The following CDK14 variants were observed in gnomAD, a reference collection of about 807,000 sequenced individuals.
CDK14 encodes the protein cyclin dependent kinase 14.
In CDK14, 34 loss-of-function variants were observed where a neutral mutation model predicts 60.7. That is an observed-to-expected ratio of 0.56 (90% CI 0.43 to 0.75). The LOEUF is 0.75. Ranked by LOEUF, CDK14 falls within the 30% of genes least tolerant of loss-of-function variation. The probability of loss-of-function intolerance (pLI) is 0.00; values close to 1 mark genes in which losing one functional copy is unlikely to be tolerated. For missense variants in CDK14, 482 were observed against 564.1 expected (o/e 0.85, Z 1.47); for synonymous variants, 197 against 203.7 (o/e 0.97, Z 0.28).
intron 14 of CDK14, among the ~76,000 whole-genome samples, chr7:91,153,069 A>T (rs954479876): frequency 6.6e-6 from 1 of 152,172 alleles, no homozygotes; most frequent in Non-Finnish European, 1.5e-5. Flanking sequence ...GGCTGGTGGG[A>T]ATGGATCAGG....
At chr7:90,774,415 T>G (rs1312053604) in intron 4 of CDK14, among the ~76,000 whole-genome samples, 1 of 152,224 alleles carries the variant, frequency 6.6e-6, no homozygotes, top group African/African-American at 2.4e-5. Context: ...GACACCCTTA[T>G]TTTTAGAACA....
intron 2 of CDK14, among the ~76,000 whole-genome samples, chr7:90,716,840 C>G (rs1460932593): frequency 1.3e-5 from 2 of 152,024 alleles, no homozygotes; most frequent in African/African-American, 4.8e-5. Context: ...TGGACCATAA[C>G]AGCAGAATAT....
chr7:90,727,700 A>G (rs1434299906), intron 3 of CDK14, among the ~76,000 whole-genome samples: 20 of 152,146 alleles, frequency 1.3e-4, no homozygotes, highest in Admixed American at 1.2e-3. Flanking sequence ...GCCTGCAACT[A>G]TATGACAAAA....
intron 11 of CDK14, among the ~76,000 whole-genome samples, chr7:91,078,112 G>A (rs1024398681): frequency 1.3e-5 from 2 of 152,248 alleles, no homozygotes; most frequent in East Asian, 1.9e-4. Context: ...TATGCATACC[G>A]TTTGCCAAGC....
At chr7:91,110,159 T>C (rs1375117590) in intron 12 of CDK14, among the ~76,000 whole-genome samples, 2 of 152,070 alleles carry the variant, frequency 1.3e-5, no homozygotes. Context: ...GAGGTTCTAG[T>C]GATGACAAAG....
intron 5 of CDK14, among the ~76,000 whole-genome samples, chr7:90,819,396 A>G (rs1789465039): frequency 6.6e-6 from 1 of 152,122 alleles, no homozygotes. Flanking sequence ...ACATAAATAT[A>G]CACATTGACA....
rs1584261635 is a variant in CDK14 at position 91,045,499 on chromosome 7, T to C, written c.1042-398T>C. Among the ~76,000 whole-genome samples the C allele has an allele frequency of 2.6e-5, 4 of 152,264 alleles. No homozygotes were observed. The East Asian group carries it at 7.7e-4, about 29-fold the overall frequency. The stretch of plus-strand genomic sequence containing the variant: ...AGGATGTGGGGTAGAAATGGAAGAA[T>C]TGTTGGAACTGTTAAATGATGAGAC... On this transcript the variant is annotated intron_variant, in intron 10 of 14. Transcript: ENST00000380050.
chr7:90,826,853 A>G (rs1789742035), intron 5 of CDK14, among the ~76,000 whole-genome samples: 1 of 152,110 alleles, frequency 6.6e-6, no homozygotes, highest in Admixed American at 6.6e-5. Context: ...TTACAATTCA[A>G]TTGATACAAT....
chr7:91,139,294 G>A (rs935349065), intron 14 of CDK14, among the ~76,000 whole-genome samples: 11 of 152,124 alleles, frequency 7.2e-5, no homozygotes, highest in Admixed American at 3.3e-4. Flanking sequence ...TAGACTAAAC[G>A]GGAAAGGAAA....
intron 5 of CDK14, among the ~76,000 whole-genome samples, chr7:90,833,833 G>A (rs944607963): frequency 1.3e-5 from 2 of 152,124 alleles, no homozygotes; most frequent in African/African-American, 2.4e-5. Flanking sequence ...AATCATTTTG[G>A]TCAAATTTGT....
At chr7:90,649,330 TTCC>T (rs1481620385) in intron 2 of CDK14, among the ~76,000 whole-genome samples, 22 of 45,048 alleles carry the variant, frequency 4.9e-4, no homozygotes, top group Non-Finnish European at 7.0e-4. Context: ...CCTTCCTTCC[TTCC>T]TTCCTTCCTT....
At chr7:91,094,400 T>C (rs1408588668) in intron 12 of CDK14, among the ~76,000 whole-genome samples, 1 of 152,152 alleles carries the variant, frequency 6.6e-6, no homozygotes, top group Non-Finnish European at 1.5e-5. Context: ...TTTAATTTTT[T>C]ACAAGTGTAG....
chr7:90,782,223 A>G (rs949820375), intron 4 of CDK14, among the ~76,000 whole-genome samples: 19 of 151,916 alleles, frequency 1.3e-4, no homozygotes, highest in African/African-American at 2.9e-4. Flanking sequence ...CTGTTTGTCT[A>G]TTATTGGTGT....
chr7:90,761,333 T>G (rs1168993047), intron 4 of CDK14, among the ~76,000 whole-genome samples: 1 of 145,176 alleles, frequency 6.9e-6, no homozygotes, highest in Non-Finnish European at 1.5e-5. Context: ...TCTTTGGGGT[T>G]TTTTTTTTTT....
At position 91,209,899 on chromosome 7, in the gene CDK14, C is replaced by T. The variant is rs895103625; in HGVS notation, c.*2763C>T. ...AGAGTGACTAGAAAGTTTCTAGGAG[C>T]ACCTCCAGGCTTGCAAAGAAAGTGA... On this transcript the variant is annotated 3_prime_UTR_variant, in exon 15 of 15. Transcript: ENST00000380050. 5 of 152,598 alleles carry T rather than the reference C, an allele frequency of 3.3e-5. No individual in the cohort carries two copies. The highest frequency in any genetic ancestry group is 4.8e-5 in the African/African-American group (2 of 41,440). 9.5% of individuals were successfully genotyped at this position (152,598 alleles called of 1,614,324 possible).
At chr7:91,201,817 T>G (rs1268850968) in intron 14 of CDK14, among the ~76,000 whole-genome samples, 2 of 152,212 alleles carry the variant, frequency 1.3e-5, no homozygotes, top group African/African-American at 2.4e-5. Context: ...ACATTCAGTT[T>G]GCTCAAAAGA....
At chr7:90,831,442 C>G (rs1789907142) in intron 5 of CDK14, among the ~76,000 whole-genome samples, 1 of 152,204 alleles carries the variant, frequency 6.6e-6, no homozygotes. Flanking sequence ...CCAGGACCCT[C>G]CCCTTGACAC....
chr7:91,021,546 T>C (rs1455049436), intron 10 of CDK14, among the ~76,000 whole-genome samples: 1 of 152,174 alleles, frequency 6.6e-6, no homozygotes, highest in African/African-American at 2.4e-5. Context: ...GATACAAAAA[T>C]GAACAAGTAC....
intron 12 of CDK14, among the ~76,000 whole-genome samples, chr7:91,110,112 A>C (rs2116344404): frequency 6.6e-6 from 1 of 152,288 alleles, no homozygotes; most frequent in Non-Finnish European, 1.5e-5. Context: ...GATTCCCAAA[A>C]GTATCATGTC....
Sources: allele counts gnomAD v4.1 joint callset (sites outside exome capture counted in the v4.1 genomes callset), GRCh38; gene constraint gnomAD v4.1.1; transcripts MANE v1.5; gene names NCBI Gene and HGNC (gene_info 2026-07-23, HGNC 2026-07-21).